SMOX: variants seen among roughly 807,000 people sequenced by gnomAD.
The protein encoded by SMOX is flavin containing amine oxidase.
SMOX carries 22 observed loss-of-function variants against 51.0 expected under a neutral mutation model. The ratio of observed to expected loss-of-function variants is 0.43; its 90% CI spans 0.31 to 0.62. The LOEUF is 0.62. Among genes scored for constraint, SMOX ranks in the 20% least tolerant of loss-of-function variants. The pLI, the probability that SMOX is intolerant of heterozygous loss-of-function variation, is 0.10. For missense variants in SMOX, 566 were observed against 777.7 expected, an observed-to-expected ratio of 0.73 and a Z score of 3.24; for synonymous variants, 282 against 307.8, an observed-to-expected ratio of 0.92 and a Z score of 0.88.
chr20:4,178,941 C>G (rs1434404722), intron 3 of SMOX, among the ~76,000 whole-genome samples: 1 of 152,136 alleles, frequency 6.6e-6, no homozygotes, highest in Admixed American at 6.5e-5. Context: ...CCTTGGTCTC[C>G]CAAAGTGCTG....
rs1986784087 is a variant in SMOX at position 4,170,635 on chromosome 20, TTGG to T, written c.-26-4391_-26-4389del. ...GAAGAAGTGGCAGTTCACACAAACT[TTGG>T]TGGCTCGTGCCCACTCTGGTCACCT... On this transcript the variant is annotated intron_variant, in intron 1 of 6. Coordinates refer to ENST00000305958, the MANE Select transcript of SMOX (RefSeq NM_175839.3). The surrounding 1 kb of genome is among the most constrained non-coding windows in gnomAD (Gnocchi z 4.6). 6.6e-6 allele frequency among the ~76,000 whole-genome samples: 1 copy of T among 152,136 alleles called. No individual in the cohort carries two copies. The highest frequency in any genetic ancestry group is 1.5e-5 in the Non-Finnish European group (1 of 68,018).
chr20:4,173,306 G>A (rs906915798), intron 1 of SMOX, among the ~76,000 whole-genome samples: 3 of 152,176 alleles, frequency 2.0e-5, no homozygotes, highest in African/African-American at 4.8e-5. Context: ...AGCTTCGTGT[G>A]AATGAAGTCA....
rs1209217201 is a variant in SMOX at position 4,170,519 on chromosome 20, C to G, written c.-26-4511C>G. ...TCTCACTCTGTTGCCCAGGCTGGAG[C>G]ACCATGGTGCCATCTCAGCTCACTG... On this transcript the variant is annotated intron_variant, in intron 1 of 6. Coordinates refer to ENST00000305958, the MANE Select transcript of SMOX (RefSeq NM_175839.3). The surrounding 1 kb of genome is among the most constrained non-coding windows in gnomAD (Gnocchi z 4.6). Among the ~76,000 whole-genome samples, 1 of 152,000 alleles carries G rather than the reference C, an allele frequency of 6.6e-6. No homozygotes were observed. The highest frequency in any genetic ancestry group is 1.5e-5 in the Non-Finnish European group (1 of 67,996).
chr20:4,176,752 C>G (rs932395873), intron 2 of SMOX, among the ~76,000 whole-genome samples: 4 of 152,148 alleles, frequency 2.6e-5, no homozygotes, highest in African/African-American at 7.2e-5. Flanking sequence ...ACGAGATGTC[C>G]CCTGCCCCAG....
rs1986614193 is a variant in SMOX, at chr20:4,167,429, CTAATT to C, written c.-26-7596_-26-7592del. Among the ~76,000 whole-genome samples the C allele has an allele frequency of 6.6e-6, 1 of 152,134 alleles. No homozygotes were observed. Among genetic ancestry groups the C allele is most frequent in the African/African-American group, 2.4e-5 (1 of 41,406 alleles). On this transcript the variant is annotated intron_variant, in intron 1 of 6. Coordinates refer to ENST00000305958, the MANE Select transcript of SMOX (RefSeq NM_175839.3). This position sits in a 1 kb window ranked among gnomAD's most constrained non-coding sequence, Gnocchi z 4.8. ...GCAGTGGCCACACCTTTTACCTGTG[CTAATT>C]TAATATTCCTACAAGTCGGCTGTAC...
intron 1 of SMOX, among the ~76,000 whole-genome samples, chr20:4,162,233 TTCCCCAC>T (rs143439868): frequency 0.019 from 2,961 of 152,238 alleles, 91 homozygotes; most frequent in African/African-American, 0.065. Flanking sequence ...GCTGGAAGGC[TTCCCCAC>T]TCCCCACTCC....
intron 1 of SMOX, among the ~76,000 whole-genome samples, chr20:4,162,660 T>G (rs1986389992): frequency 6.6e-6 from 1 of 152,108 alleles, no homozygotes; most frequent in African/African-American, 2.4e-5. Flanking sequence ...CAGGCAAGGG[T>G]GCATCTTGGG....
chr20:4,158,067 A>AT (rs1272256721), intron 1 of SMOX, among the ~76,000 whole-genome samples: 6 of 148,404 alleles, frequency 4.0e-5, no homozygotes, highest in Admixed American at 2.0e-4. Context: ...CGCCCGGCTA[A>AT]TTTTTTGTAT....
chr20:4,161,260 G>T (rs1262928341), intron 1 of SMOX, among the ~76,000 whole-genome samples: 5 of 152,154 alleles, frequency 3.3e-5, no homozygotes, highest in Non-Finnish European at 4.4e-5. Flanking sequence ...CTCACGTCAG[G>T]GCCGTGCCTG....
At chr20:4,152,969 C>T (rs1430282627) in intron 1 of SMOX, among the ~76,000 whole-genome samples, 2 of 152,212 alleles carry the variant, frequency 1.3e-5, no homozygotes, top group African/African-American at 4.8e-5. Flanking sequence ...TCGGTCCACT[C>T]TGCCACTTCT....
At chr20:4,171,646 A>G (rs1978399544) in intron 1 of SMOX, 1 of 152,248 alleles carries the variant, frequency 6.6e-6, no homozygotes, top group South Asian at 2.1e-4. Context: ...CTTGCGTGTC[A>G]TTCCATGTGC....
At chr20:4,156,960 C>T (rs926315111) in intron 1 of SMOX, among the ~76,000 whole-genome samples, 2 of 152,204 alleles carry the variant, frequency 1.3e-5, no homozygotes, top group Non-Finnish European at 2.9e-5. Context: ...CCAGGCTGGT[C>T]TGGAACTCCT....
rs1212128909 is a variant in SMOX, at chr20:4,167,434, T to G, written c.-26-7596T>G. The stretch of plus-strand genomic sequence containing the variant: ...GGCCACACCTTTTACCTGTGCTAAT[T>G]TAATATTCCTACAAGTCGGCTGTAC... On this transcript the variant is annotated intron_variant, in intron 1 of 6. Transcript: ENST00000305958. The surrounding 1 kb of genome is among the most constrained non-coding windows in gnomAD (Gnocchi z 4.8). 1.3e-5 allele frequency among the ~76,000 whole-genome samples: 2 copies of G among 152,148 alleles called. No individual in the cohort carries two copies. Among genetic ancestry groups the G allele is most frequent in the African/African-American group, 4.8e-5 (2 of 41,408 alleles).
chr20:4,179,274 G>A (rs896809388), intron 3 of SMOX, among the ~76,000 whole-genome samples: 4 of 152,094 alleles, frequency 2.6e-5, no homozygotes, highest in African/African-American at 9.7e-5. Flanking sequence ...AATGACTTTC[G>A]GGGCCCGTGG....
At chr20:4,162,436 T>A (rs1986379073) in intron 1 of SMOX, among the ~76,000 whole-genome samples, 1 of 152,260 alleles carries the variant, frequency 6.6e-6, no homozygotes, top group South Asian at 2.1e-4. Context: ...TCTGAGCCTC[T>A]GCACGTGCAG....
At position 4,183,358 on chromosome 20, in the gene SMOX, C is replaced by A; in HGVS notation, c.1370-136C>A. The A allele has an allele frequency of 1.5e-6, 2 of 1,307,976 alleles. No homozygotes were observed. Among genetic ancestry groups the A allele is most frequent in the Non-Finnish European group, 2.2e-6 (2 of 914,916 alleles). 81.0% of individuals were successfully genotyped at this position (1,307,976 alleles called of 1,614,324 possible). A position where few individuals can be genotyped will look rare whatever the true frequency, so the allele number is the denominator to read the frequency against. On this transcript the variant is annotated intron_variant, in intron 5 of 6. Coordinates refer to ENST00000305958, the MANE Select transcript of SMOX (RefSeq NM_175839.3). This position sits in a 1 kb window ranked among gnomAD's most constrained non-coding sequence, Gnocchi z 4.3. ...CCAGCCTCCCTCCTTCCTCTTCTAT[C>A]CTCCGTGCCTACCCCTGGCAGTCTG...
At chr20:4,186,640 C>T in intron 6 of SMOX, 1 of 720,354 alleles carries the variant, frequency 1.4e-6, no homozygotes, top group Admixed American at 1.9e-5. Context: ...GATCCCCTGA[C>T]ACTGGGCCTC....
In SMOX at chr20:4,177,745, A is replaced by G. The variant is rs1445740649; in HGVS notation, c.435+168A>G. 2.0e-4 allele frequency among the ~76,000 whole-genome samples: 30 copies of G among 152,282 alleles called. No homozygotes were observed. The highest frequency in any genetic ancestry group is 8.8e-5 in the Non-Finnish European group (6 of 68,024). On this transcript the variant is annotated intron_variant, in intron 3 of 6. Coordinates refer to ENST00000305958, the MANE Select transcript of SMOX (RefSeq NM_175839.3). This position sits in a 1 kb window ranked among gnomAD's most constrained non-coding sequence, Gnocchi z 4.3. ...GGATAGAACTGATTTTTATATATTGATTTGTTAGCTTGCTAAATTATTTTT... is the reference window on the plus strand; with the variant it reads ...GGATAGAACTGATTTTTATATATTGGTTTGTTAGCTTGCTAAATTATTTTT...
chr20:4,155,407 C>T (rs528210383), intron 1 of SMOX, among the ~76,000 whole-genome samples: 16 of 139,766 alleles, frequency 1.1e-4, no homozygotes, highest in Admixed American at 5.1e-4. Flanking sequence ...CTGCGGCGTA[C>T]GTGGGAGTGG....
Sources: gnomAD v4.1 joint callset for allele counts (sites outside exome capture counted in the v4.1 genomes callset) on GRCh38, gnomAD v4.1.1 for gene constraint, Gnocchi (gnomAD v3.1) non-coding constraint, MANE v1.5 for transcripts, NCBI Gene and HGNC (gene_info 2026-07-23, HGNC 2026-07-21) for gene names.